The following DCC variants were observed in gnomAD, a reference collection of about 807,000 sequenced individuals.
DCC encodes the protein DCC netrin 1 receptor, also known as netrin receptor DCC.
Under a neutral mutation model 172.5 loss-of-function variants are expected in DCC, and 58 were observed. The observed-to-expected ratio is 0.34, with a 90% CI of 0.27 to 0.42. The LOEUF (loss-of-function observed/expected upper bound fraction) is 0.42, where lower values mean the gene tolerates loss of function less well. Ranked by LOEUF, DCC falls within the 10% of genes least tolerant of loss-of-function variation. The pLI, the probability that DCC is intolerant of heterozygous loss-of-function variation, is 1.00. For missense variants in DCC, 1,740 were observed against 1,791.0 expected (o/e 0.97, Z 0.51); for synonymous variants, 709 against 644.5 (o/e 1.10, Z -1.52).
intron 1 of DCC, among the ~76,000 whole-genome samples, chr18:52,625,777 T>C (rs1165115504): frequency 6.6e-6 from 1 of 152,184 alleles, no homozygotes; most frequent in Non-Finnish European, 1.5e-5. Flanking sequence ...TTCACCTCCA[T>C]CACTTCATCG....
At chr18:52,445,294 C>A (rs1265108968) in intron 1 of DCC, among the ~76,000 whole-genome samples, 1 of 152,142 alleles carries the variant, frequency 6.6e-6, no homozygotes, top group Non-Finnish European at 1.5e-5. Context: ...GTGGTTACCA[C>A]AGCCTCTGAT....
At chr18:53,493,462 T>A (rs1310812560) in intron 26 of DCC, among the ~76,000 whole-genome samples, 1 of 152,140 alleles carries the variant, frequency 6.6e-6, no homozygotes, top group Non-Finnish European at 1.5e-5. Context: ...TGGCTGTGGG[T>A]TTGTTGTAAA....
At chr18:53,305,801 A>C in intron 13 of DCC, 82 bp downstream of exon 13, 2 of 1,449,802 alleles carry the variant, frequency 1.4e-6, no homozygotes, top group Non-Finnish European at 1.9e-6. Flanking sequence ...ACTCCAAAGG[A>C]ACATTGATTT....
chr18:53,067,062 A>T (rs2144093583), intron 7 of DCC, among the ~76,000 whole-genome samples: 1 of 152,204 alleles, frequency 6.6e-6, no homozygotes, highest in Middle Eastern at 3.4e-3. Flanking sequence ...ACCAGGCCCC[A>T]CCTCCAACAC....
At chr18:52,655,522 G>A (rs2035228060) in intron 1 of DCC, among the ~76,000 whole-genome samples, 1 of 152,022 alleles carries the variant, frequency 6.6e-6, no homozygotes, top group South Asian at 2.1e-4. Flanking sequence ...TCTGAGCCAT[G>A]GAAGGAATGA....
chr18:52,869,582 A>G (rs2039285093), intron 2 of DCC, among the ~76,000 whole-genome samples: 1 of 152,162 alleles, frequency 6.6e-6, no homozygotes, highest in African/African-American at 2.4e-5. Context: ...TCTGCCCAGG[A>G]GCCTGTCTGC....
At chr18:53,144,025 T>C (rs954788487) in intron 7 of DCC, among the ~76,000 whole-genome samples, 2 of 152,224 alleles carry the variant, frequency 1.3e-5, no homozygotes, top group African/African-American at 2.4e-5. Context: ...TTCAAAGATA[T>C]TGAAATGAAA....
chr18:53,026,655 A>G (rs1487536545), intron 5 of DCC, among the ~76,000 whole-genome samples: 1 of 152,094 alleles, frequency 6.6e-6, no homozygotes. Flanking sequence ...TTCTGGGCTC[A>G]AGCGAGCCTC....
chr18:53,507,970 T>G (rs1157633121), intron 27 of DCC, among the ~76,000 whole-genome samples: 2 of 147,892 alleles, frequency 1.4e-5, no homozygotes, highest in Admixed American at 1.3e-4. Context: ...CTCTGCTCAC[T>G]GCAAGCTCTG....
At chr18:52,940,881 T>A (rs1454033882) in intron 5 of DCC, 1 of 152,190 alleles carries the variant, frequency 6.6e-6, no homozygotes, top group Non-Finnish European at 1.5e-5. Flanking sequence ...ATGTTGTTTA[T>A]GTTTGAACAG....
chr18:53,228,858 T>G (rs1246623931), intron 12 of DCC, among the ~76,000 whole-genome samples: 1 of 152,186 alleles, frequency 6.6e-6, no homozygotes, highest in Non-Finnish European at 1.5e-5. Flanking sequence ...CACACTCTTC[T>G]AGTGCATTAT....
intron 1 of DCC, among the ~76,000 whole-genome samples, chr18:52,510,119 C>CA (rs34308021): frequency 0.067 from 8,919 of 132,900 alleles, 342 homozygotes; most frequent in Middle Eastern, 0.13. Flanking sequence ...GCATCCCCTT[C>CA]AAAAAAAAAA....
In DCC at chr18:52,398,210, A is replaced by T. The variant is rs892921896; in HGVS notation, c.91+57332A>T. On this transcript the variant is annotated intron_variant, in intron 1 of 28. Coordinates refer to ENST00000442544, the MANE Select transcript of DCC (RefSeq NM_005215.4). Reference sequence around the variant, plus strand: ...AGGATTTCACAACTTTGGTCCCATTACCAACATTTTCTTAGCAAATGTTTT... The same window carrying T: ...AGGATTTCACAACTTTGGTCCCATTTCCAACATTTTCTTAGCAAATGTTTT... Among the ~76,000 whole-genome samples the T allele has an allele frequency of 7.2e-5, 11 of 152,112 alleles. 1 individual carries two copies. Among genetic ancestry groups the T allele is most frequent in the African/African-American group, 2.6e-4 (11 of 41,540 alleles).
chr18:53,112,979 C>T (rs2043355068), intron 7 of DCC, among the ~76,000 whole-genome samples: 1 of 151,468 alleles, frequency 6.6e-6, no homozygotes, highest in African/African-American at 2.4e-5. Flanking sequence ...CATCCTCTTT[C>T]CTTTGGATTC....
intron 1 of DCC, among the ~76,000 whole-genome samples, chr18:52,441,835 T>A (rs1987978907): frequency 6.6e-6 from 1 of 152,178 alleles, no homozygotes; most frequent in African/African-American, 2.4e-5. Context: ...AAATCATCCA[T>A]AAACCCAGCC....
At chr18:52,672,540 T>C (rs184270341) in intron 1 of DCC, among the ~76,000 whole-genome samples, 16 of 151,172 alleles carry the variant, frequency 1.1e-4, no homozygotes, top group African/African-American at 3.2e-4. Flanking sequence ...TTCCTTTCTT[T>C]CTTCCTTCTA....
intron 2 of DCC, among the ~76,000 whole-genome samples, chr18:52,825,449 G>C (rs894638782): frequency 1.3e-5 from 2 of 152,110 alleles, no homozygotes; most frequent in Non-Finnish European, 2.9e-5. Flanking sequence ...CTAACATGTG[G>C]AAATTGAGAG....
intron 12 of DCC, among the ~76,000 whole-genome samples, chr18:53,243,095 G>T (rs1453322596): frequency 6.6e-6 from 1 of 152,136 alleles, no homozygotes; most frequent in African/African-American, 2.4e-5. Context: ...TTTCTGGATT[G>T]AAAAGAAAAG....
chr18:53,364,235 C>T (rs1213059334), intron 15 of DCC, among the ~76,000 whole-genome samples: 1 of 152,068 alleles, frequency 6.6e-6, no homozygotes, highest in Non-Finnish European at 1.5e-5. Flanking sequence ...AATTTCCACA[C>T]CGTCAAATTA....
Sources: gnomAD v4.1 joint callset for allele counts (sites outside exome capture counted in the v4.1 genomes callset) on GRCh38, gnomAD v4.1.1 for gene constraint, MANE v1.5 for transcripts, NCBI Gene and HGNC (gene_info 2026-07-23, HGNC 2026-07-21) for gene names.